The following KSR2 variants were observed in gnomAD, a reference collection of about 807,000 sequenced individuals.
KSR2 encodes the protein kinase suppressor of ras 2.
In KSR2, 25 loss-of-function variants were observed where a neutral mutation model predicts 107.8. That is an observed-to-expected ratio of 0.23 (90% CI 0.17 to 0.32). KSR2 has a LOEUF of 0.32. Ranked by LOEUF, KSR2 falls within the 10% of genes least tolerant of loss-of-function variation. KSR2 has a pLI of 1.00. For missense variants in KSR2, 887 were observed against 1,268.9 expected (o/e 0.70, Z 4.57); for synonymous variants, 480 against 507.0 (o/e 0.95, Z 0.71).
At chr12:117,729,077 C>T (rs149560936) in intron 4 of KSR2, among the ~76,000 whole-genome samples, 197 of 152,112 alleles carry the variant, frequency 1.3e-3, no homozygotes, top group South Asian at 8.9e-3. Flanking sequence ...CCAAACTCAG[C>T]GCTGTGCATG....
intron 3 of KSR2, among the ~76,000 whole-genome samples, chr12:117,792,706 C>T (rs1184752527): frequency 1.3e-5 from 2 of 152,208 alleles, no homozygotes; most frequent in African/African-American, 2.4e-5. Context: ...TGCTGGTTGG[C>T]TGCTATTTCT....
At chr12:117,754,895 T>C (rs1888734645) in intron 4 of KSR2, among the ~76,000 whole-genome samples, 1 of 152,212 alleles carries the variant, frequency 6.6e-6, no homozygotes, top group Non-Finnish European at 1.5e-5. Context: ...ACCAACAGTT[T>C]TGAAAGCTTT....
intron 4 of KSR2, among the ~76,000 whole-genome samples, chr12:117,679,179 C>T (rs528540286): frequency 3.9e-5 from 6 of 152,282 alleles, no homozygotes; most frequent in Admixed American, 1.3e-4. Flanking sequence ...CAAGTCTGAG[C>T]GCCCTTGAAG....
At chr12:117,526,219 G>A (rs867398044) in intron 13 of KSR2, among the ~76,000 whole-genome samples, 15 of 152,168 alleles carry the variant, frequency 9.9e-5, no homozygotes, top group African/African-American at 2.2e-4. Context: ...GGCGTACTTC[G>A]GCGTAACTAC....
Position 117,903,579 on chromosome 12 carries a change from A to C in KSR2, c.181-43148T>G, listed in dbSNP as rs183014830. On this transcript the variant is annotated intron_variant, in intron 1 of 19. Transcript: ENST00000339824. ...TGGGGGCAAACAGCTCAAATATCCC[A>C]GTCAAACCTCTACCATATCACTGTG... is the stretch of plus-strand genomic sequence containing the variant. Among the ~76,000 whole-genome samples the C allele has an allele frequency of 9.2e-5, 14 of 152,376 alleles. No individual in the cohort carries two copies. The East Asian group carries it at 2.3e-3, about 25-fold the overall frequency.
At chr12:117,642,935 C>A (rs1883446267) in intron 5 of KSR2, among the ~76,000 whole-genome samples, 1 of 152,142 alleles carries the variant, frequency 6.6e-6, no homozygotes. Flanking sequence ...CTCCATGTAA[C>A]CCACAATGAT....
Position 117,832,552 on chromosome 12 carries a change from G to A in KSR2, c.472+22876C>T, listed in dbSNP as rs565639492. Among the ~76,000 whole-genome samples, 3 of 152,346 alleles carry A rather than the reference G, an allele frequency of 2.0e-5. No homozygotes were observed. The East Asian group carries it at 5.8e-4, about 29-fold the overall frequency. On this transcript the variant is annotated intron_variant, in intron 3 of 19. Transcript: ENST00000339824. ...CTCAATGCCACCATCTAAGGAAGAT[G>A]CAGGTATTGTTGCAGTGTTCCTGTT...
At chr12:117,867,692 A>G (rs1415175875) in intron 1 of KSR2, among the ~76,000 whole-genome samples, 1 of 152,062 alleles carries the variant, frequency 6.6e-6, no homozygotes, top group Non-Finnish European at 1.5e-5. Flanking sequence ...CCCAGCCAAA[A>G]CCATCCTAGC....
At chr12:117,832,371 T>C (rs1018922111) in intron 3 of KSR2, among the ~76,000 whole-genome samples, 1 of 152,230 alleles carries the variant, frequency 6.6e-6, no homozygotes, top group African/African-American at 2.4e-5. Context: ...AGGCAATTTA[T>C]TTCAACAGAG....
At chr12:117,746,087 A>G (rs1055652691) in intron 4 of KSR2, among the ~76,000 whole-genome samples, 4 of 152,142 alleles carry the variant, frequency 2.6e-5, no homozygotes, top group Admixed American at 6.5e-5. Flanking sequence ...ACTACTTTAA[A>G]TTTCATATGG....
intron 3 of KSR2, among the ~76,000 whole-genome samples, chr12:117,840,458 T>C (rs1427427264): frequency 1.3e-5 from 2 of 152,032 alleles, no homozygotes; most frequent in Non-Finnish European, 2.9e-5. Context: ...TGCAGTGGCA[T>C]GATCTCAGCT....
chr12:117,942,199 T>C (rs1288571387), intron 1 of KSR2, among the ~76,000 whole-genome samples: 1 of 152,192 alleles, frequency 6.6e-6, no homozygotes, highest in African/African-American at 2.4e-5. Context: ...ACCTCAAACA[T>C]TTATCATTTA....
intron 3 of KSR2, among the ~76,000 whole-genome samples, chr12:117,772,322 ACACACT>A (rs1242240293): frequency 2.7e-5 from 4 of 146,418 alleles, no homozygotes; most frequent in East Asian, 2.1e-4. Context: ...ACGCACAAAC[ACACACT>A]CACACATACA....
chr12:117,711,479 C>T (rs1485071122), intron 4 of KSR2, among the ~76,000 whole-genome samples: 1 of 152,174 alleles, frequency 6.6e-6, no homozygotes, highest in Non-Finnish European at 1.5e-5. Flanking sequence ...GAGGGAAGCA[C>T]GTGGAGATGT....
intron 3 of KSR2, among the ~76,000 whole-genome samples, chr12:117,808,892 A>G (rs1048577389): frequency 1.3e-5 from 2 of 152,150 alleles, no homozygotes; most frequent in East Asian, 1.9e-4. Flanking sequence ...ACTTCTAGAC[A>G]TGGTCAGTAA....
At chr12:117,893,675 G>C (rs1435002173) in intron 1 of KSR2, among the ~76,000 whole-genome samples, 1 of 152,180 alleles carries the variant, frequency 6.6e-6, no homozygotes, top group Non-Finnish European at 1.5e-5. Flanking sequence ...AAGATCAAGA[G>C]AGCACCTAGG....
intron 7 of KSR2, among the ~76,000 whole-genome samples, chr12:117,566,001 G>T (rs1445166910): frequency 6.6e-6 from 1 of 152,092 alleles, no homozygotes; most frequent in African/African-American, 2.4e-5. Context: ...ACACGTACAG[G>T]TTTGTTACAT....
intron 1 of KSR2, among the ~76,000 whole-genome samples, chr12:117,950,595 G>T (rs1332719176): frequency 6.6e-6 from 1 of 151,704 alleles, no homozygotes; most frequent in African/African-American, 2.4e-5. Context: ...AAAAAAATTA[G>T]CCAGGCATGG....
intron 14 of KSR2, among the ~76,000 whole-genome samples, chr12:117,523,097 C>T (rs372019364): frequency 9.2e-5 from 14 of 152,172 alleles, no homozygotes; most frequent in Non-Finnish European, 1.0e-4. Flanking sequence ...CTTTCACCAG[C>T]GCTTATCATT....
Sources: allele counts gnomAD v4.1 joint callset (sites outside exome capture counted in the v4.1 genomes callset), GRCh38; gene constraint gnomAD v4.1.1; transcripts MANE v1.5; gene names NCBI Gene and HGNC (gene_info 2026-07-23, HGNC 2026-07-21).